The following CUL5 variants were observed in gnomAD, a reference collection of about 807,000 sequenced individuals.
The protein encoded by CUL5 is cullin 5.
CUL5 carries 26 observed loss-of-function variants against 108.8 expected under a neutral mutation model. That is an observed-to-expected ratio of 0.24 (90% CI 0.18 to 0.33). The LOEUF (loss-of-function observed/expected upper bound fraction) is 0.33. Ranked by LOEUF, CUL5 falls within the 10% of genes least tolerant of loss-of-function variation. The pLI, the probability that CUL5 is intolerant of heterozygous loss-of-function variation, is 1.00. For synonymous variants in CUL5, 334 were observed against 298.0 expected, an observed-to-expected ratio of 1.12 and a Z score of -1.25; for missense variants, 524 against 909.2, an observed-to-expected ratio of 0.58 and a Z score of 5.45.
intron 11 of CUL5, among the ~76,000 whole-genome samples, chr11:108,088,150 T>C (rs896285181): frequency 6.6e-6 from 1 of 152,106 alleles, no homozygotes; most frequent in African/African-American, 2.4e-5. Context: ...ATATTAATCA[T>C]AAAAAGTTTT....
chr11:108,088,794 G>A, intron 12 of CUL5, 135 bp downstream of exon 12: 1 of 625,300 alleles, frequency 1.6e-6, no homozygotes, highest in Non-Finnish European at 2.5e-6. Flanking sequence ...AAGATTTGCA[G>A]TGCAAGACCT....
At chr11:108,051,102 C>T (rs2135131150) in intron 4 of CUL5, among the ~76,000 whole-genome samples, 1 of 152,254 alleles carries the variant, frequency 6.6e-6, no homozygotes, top group South Asian at 2.1e-4. Context: ...GTTGCCCCAT[C>T]CCAGCCTTAA....
intron 11 of CUL5, among the ~76,000 whole-genome samples, chr11:108,079,729 C>A (rs1241535722): frequency 6.6e-6 from 1 of 152,178 alleles, no homozygotes; most frequent in East Asian, 1.9e-4. Context: ...TACTTCATGT[C>A]TATTCCCAGT....
chr11:108,058,208 C>T (rs1219858900), intron 7 of CUL5, among the ~76,000 whole-genome samples: 1 of 71,886 alleles, frequency 1.4e-5, no homozygotes, highest in Non-Finnish European at 2.5e-5. Flanking sequence ...GACTCTGTCT[C>T]AAAAAAAAAA....
chr11:108,097,551 T>G (rs1161029295), intron 16 of CUL5, 85 bp from the exon 17 acceptor site: 12 of 727,688 alleles, frequency 1.6e-5, no homozygotes, highest in Non-Finnish European at 2.8e-5. Flanking sequence ...ATCTTTTTCT[T>G]GCCTATGTTG....
intron 1 of CUL5, among the ~76,000 whole-genome samples, 184 bp downstream of exon 1, chr11:108,009,556 T>C (rs1353706971): frequency 3.3e-5 from 5 of 151,638 alleles, no homozygotes; most frequent in African/African-American, 1.2e-4. Flanking sequence ...GTCGACAGGC[T>C]CTGGTGGTCG....
chr11:108,072,303 G>T, intron 8 of CUL5, 29 bp from the exon 9 acceptor site: 2 of 1,542,206 alleles, frequency 1.3e-6, no homozygotes, highest in South Asian at 2.5e-5. Context: ...TAAATGAAAT[G>T]ATTACATGAA....
At chr11:108,056,479 C>T (rs1457804834) in intron 7 of CUL5, among the ~76,000 whole-genome samples, 1 of 151,956 alleles carries the variant, frequency 6.6e-6, no homozygotes, top group Non-Finnish European at 1.5e-5. Flanking sequence ...TTTGCTTGTC[C>T]TTGATTTGCA....
chr11:108,066,104 G>A (rs1863670067), intron 7 of CUL5, among the ~76,000 whole-genome samples: 1 of 152,186 alleles, frequency 6.6e-6, no homozygotes, highest in Admixed American at 6.5e-5. Context: ...ACTTTGGGAG[G>A]CTGAGGCAGG....
intron 2 of CUL5, among the ~76,000 whole-genome samples, chr11:108,038,138 T>G (rs1862792414): frequency 6.6e-6 from 1 of 152,226 alleles, no homozygotes; most frequent in Non-Finnish European, 1.5e-5. Flanking sequence ...TTTATTACAT[T>G]CATGTATACA....
At chr11:108,098,592 A>T (rs1289838040) in intron 18 of CUL5, 63 bp downstream of exon 18, 435 of 1,072,906 alleles carry the variant, frequency 4.1e-4, no homozygotes, top group Admixed American at 1.2e-3. Flanking sequence ...TTTTTTTTTT[A>T]AATTTTGAAA....
chr11:108,050,497 G>A (rs1863188671), intron 4 of CUL5, among the ~76,000 whole-genome samples: 1 of 151,938 alleles, frequency 6.6e-6, no homozygotes, highest in South Asian at 2.1e-4. Flanking sequence ...CTCCTGAGTA[G>A]CTGGGACTAC....
In CUL5 at chr11:108,037,098, C is replaced by T. The variant is rs370931311; in HGVS notation, c.134+3187C>T. On this transcript the variant is annotated intron_variant, in intron 2 of 18. Coordinates refer to ENST00000393094, the MANE Select transcript of CUL5 (RefSeq NM_003478.6). ...CTCACCTTTGGGAACTTTTGGGCCTCTTCCCACCTGGAGGCAAGAAAAAAA... is the reference window on the plus strand; with the variant it reads ...CTCACCTTTGGGAACTTTTGGGCCTTTTCCCACCTGGAGGCAAGAAAAAAA... Among the ~76,000 whole-genome samples, 181 of 152,062 alleles carry T rather than the reference C, an allele frequency of 1.2e-3. 1 individual carries two copies. Among genetic ancestry groups the T allele is most frequent in the African/African-American group, 4.2e-3 (174 of 41,486 alleles).
Position 108,078,165 on chromosome 11 carries a change from ATT to A in CUL5, c.1114-6_1114-5del. ...TATTAAAAATATTTTATTCCAAATT[ATT>A]TTTTGCAGGCGTATAAAGCAGTTGT... On this transcript the variant is annotated splice_polypyrimidine_tract_variant and intron_variant, in intron 10 of 18. Transcript: ENST00000393094. The A allele has an allele frequency of 6.8e-7, 1 of 1,477,370 alleles. No individual in the cohort carries two copies. Among genetic ancestry groups the A allele is most frequent in the Non-Finnish European group, 9.3e-7 (1 of 1,080,964 alleles). The allele number at this position is 1,477,370 out of a possible 1,614,324, so 91.5% of individuals were successfully genotyped here. A position where few individuals can be genotyped will look rare whatever the true frequency, so the allele number is the denominator to read the frequency against.
intron 10 of CUL5, among the ~76,000 whole-genome samples, 177 bp from the exon 11 acceptor site, chr11:108,077,999 T>C (rs1415145834): frequency 6.6e-6 from 1 of 152,074 alleles, no homozygotes; most frequent in Non-Finnish European, 1.5e-5. Context: ...CTTGAGAATA[T>C]TGATAATTAT....
chr11:108,072,867 GAATTGAA>G (rs961532415), intron 9 of CUL5, among the ~76,000 whole-genome samples: 9 of 152,106 alleles, frequency 5.9e-5, no homozygotes, highest in Admixed American at 3.9e-4. Flanking sequence ...TAAAAATACA[GAATTGAA>G]AATTGAAAAT....
intron 11 of CUL5, among the ~76,000 whole-genome samples, chr11:108,082,634 A>G (rs947972011): frequency 6.6e-6 from 1 of 151,258 alleles, no homozygotes; most frequent in African/African-American, 2.4e-5. Context: ...TAAAAACACA[A>G]CTGATTTTTT....
intron 10 of CUL5, among the ~76,000 whole-genome samples, chr11:108,077,153 T>C (rs1863960627): frequency 6.6e-6 from 1 of 152,226 alleles, no homozygotes; most frequent in Non-Finnish European, 1.5e-5. Flanking sequence ...CATTCTGATA[T>C]TTCATTGTTA....
At chr11:108,060,446 A>G (rs1404204115) in intron 7 of CUL5, among the ~76,000 whole-genome samples, 1 of 152,186 alleles carries the variant, frequency 6.6e-6, no homozygotes, top group Non-Finnish European at 1.5e-5. Flanking sequence ...ACTATTCCTT[A>G]TACAGAGCTA....
Sources: allele counts gnomAD v4.1 joint callset (sites outside exome capture counted in the v4.1 genomes callset), GRCh38; gene constraint gnomAD v4.1.1; transcripts MANE v1.5; gene names NCBI Gene and HGNC (gene_info 2026-07-23, HGNC 2026-07-21).